TTR: variants seen among roughly 807,000 people sequenced by gnomAD.
The protein encoded by TTR is transthyretin.
In TTR, 8 loss-of-function variants were observed where a neutral mutation model predicts 13.7. The ratio of observed to expected loss-of-function variants is 0.58; its 90% CI spans 0.34 to 1.05. The LOEUF (loss-of-function observed/expected upper bound fraction) is 1.05. Among genes scored for constraint, TTR ranks in the 50% least tolerant of loss-of-function variants. The probability of loss-of-function intolerance (pLI) is 0.02; values close to 1 mark genes in which losing one functional copy is unlikely to be tolerated. For synonymous variants in TTR, 75 were observed against 71.7 expected, an observed-to-expected ratio of 1.05 and a Z score of -0.23; for missense variants, 135 against 185.5, an observed-to-expected ratio of 0.73 and a Z score of 1.58.
chr18:31,595,698 A>G (rs1342263966), intron 3 of TTR: 4 of 353,396 alleles, frequency 1.1e-5, no homozygotes, highest in Non-Finnish European at 2.2e-5. Flanking sequence ...ACACATACCT[A>G]TAGAGACAAT....
In TTR at chr18:31,595,229, A is replaced by G. The variant is rs781345808; in HGVS notation, c.310A>G (p.Ile104Val). Residue 104 changes from isoleucine to valine, a missense_variant, in exon 3 of 4, where the codon ATC becomes GTC. By Grantham distance (29) the Ile-to-Val change is conservative (BLOSUM62 3). Transcript: ENST00000237014. ...CAAATCTTACTGGAAGGCACTTGGCATCTCCCCATTCCATGAGCATGCAGA... is the reference window on the plus strand; with the variant it reads ...CAAATCTTACTGGAAGGCACTTGGCGTCTCCCCATTCCATGAGCATGCAGA... The part of the protein sequence containing the change: ...DTKSYWKALG[I>V]SPFHEHAEVV... 1 of 1,614,188 alleles carries G rather than the reference A, an allele frequency of 6.2e-7. No individual in the cohort carries two copies. The highest frequency in any genetic ancestry group is 1.3e-5 in the African/African-American group (1 of 75,046).
At chr18:31,595,467 T>G in intron 3 of TTR, 1 of 692,458 alleles carries the variant, frequency 1.4e-6, no homozygotes, top group Non-Finnish European at 2.6e-6. Context: ...CTTAGTAACA[T>G]GACTTGAACT....
chr18:31,595,609 T>C (rs186254252), intron 3 of TTR: 207 of 378,508 alleles, frequency 5.5e-4, no homozygotes, highest in African/African-American at 3.7e-3. Flanking sequence ...TGCACCATTT[T>C]ATTTCTCGAA....
chr18:31,594,591 C>T (rs778716372), intron 2 of TTR, among the ~76,000 whole-genome samples: 3 of 152,302 alleles, frequency 2.0e-5, no homozygotes, highest in East Asian at 1.9e-4. Flanking sequence ...TGGCCGGGCA[C>T]GGTGGCTCAC....
At chr18:31,595,292 G>C in intron 3 of TTR, 37 bp downstream of exon 3, 1 of 1,613,882 alleles carries the variant, frequency 6.2e-7, no homozygotes, top group East Asian at 2.2e-5. Flanking sequence ...TTTTGGTTTT[G>C]GTTTTTGCTT....
intron 1 of TTR, among the ~76,000 whole-genome samples, 157 bp downstream of exon 1, chr18:31,592,128 A>G (rs2073489441): frequency 6.6e-6 from 1 of 152,228 alleles, no homozygotes; most frequent in Non-Finnish European, 1.5e-5. Context: ...AAAAAGAATG[A>G]AGTTCCACTG....
chr18:31,596,202 T>G (rs2073515884), intron 3 of TTR: 1 of 154,388 alleles, frequency 6.5e-6, no homozygotes, highest in Non-Finnish European at 1.5e-5. Context: ...GAGTTAAAGA[T>G]CAACTAATTC....
intron 2 of TTR, chr18:31,593,256 A>G: frequency 2.0e-6 from 1 of 500,664 alleles, no homozygotes; most frequent in Non-Finnish European, 3.5e-6. Context: ...AAAAGAAGGA[A>G]TCAGAACTCC....
intron 1 of TTR, 147 bp from the exon 2 acceptor site, chr18:31,592,749 A>T: frequency 9.9e-7 from 1 of 1,007,796 alleles, no homozygotes; most frequent in Non-Finnish European, 1.5e-6. Context: ...CTGAGTAGGG[A>T]AGCTCATTAA....
At chr18:31,595,009 C>G in intron 2 of TTR, 111 bp from the exon 3 acceptor site, 1 of 1,205,726 alleles carries the variant, frequency 8.3e-7, no homozygotes, top group Non-Finnish European at 1.2e-6. Flanking sequence ...GGGAAATGTT[C>G]ATAACATGTT....
In TTR at chr18:31,598,762, C is replaced by T; in HGVS notation, c.*87C>T. On this transcript the variant is annotated 3_prime_UTR_variant, in exon 4 of 4. Coordinates refer to ENST00000237014, the MANE Select transcript of TTR (RefSeq NM_000371.4). ...TCCATTTTTACTAAAGCAGTGTTTT[C>T]ACCTCATATGCTATGTTAGAAGTCC... is the stretch of plus-strand genomic sequence containing the variant. 7.5e-7 allele frequency: 1 copy of T among 1,336,986 alleles called. No homozygotes were observed. The highest frequency in any genetic ancestry group is 1.1e-6 in the Non-Finnish European group (1 of 943,490). 82.8% of individuals were successfully genotyped at this position (1,336,986 alleles called of 1,614,324 possible).
At chr18:31,592,840 A>C in intron 1 of TTR, 56 bp from the exon 2 acceptor site, 1 of 1,607,092 alleles carries the variant, frequency 6.2e-7, no homozygotes, top group South Asian at 1.1e-5. Context: ...ACAAAGAATA[A>C]ATCCTTTCAC....
intron 2 of TTR, among the ~76,000 whole-genome samples, chr18:31,593,916 G>A (rs2073501351): frequency 6.6e-6 from 1 of 152,208 alleles, no homozygotes; most frequent in Non-Finnish European, 1.5e-5. Flanking sequence ...AAGAATTTCT[G>A]TTGGGTTTTA....
At chr18:31,592,834 A>G in intron 1 of TTR, 62 bp from the exon 2 acceptor site, 1 of 1,606,376 alleles carries the variant, frequency 6.2e-7, no homozygotes, top group Non-Finnish European at 8.5e-7. Flanking sequence ...AATACCACAA[A>G]GAATAAATCC....
At chr18:31,595,689 C>T (rs2073513473) in intron 3 of TTR, 1 of 359,978 alleles carries the variant, frequency 2.8e-6, no homozygotes, top group African/African-American at 2.1e-5. Context: ...TTCTTGGCAA[C>T]ACATACCTAT....
chr18:31,597,694 T>G (rs1274300610), intron 3 of TTR, among the ~76,000 whole-genome samples: 1 of 152,208 alleles, frequency 6.6e-6, no homozygotes, highest in Non-Finnish European at 1.5e-5. Flanking sequence ...AAACACATCT[T>G]TACTGTCTTC....
chr18:31,595,633 C>T, intron 3 of TTR: 1 of 366,834 alleles, frequency 2.7e-6, no homozygotes, highest in South Asian at 2.1e-5. Context: ...CCGTAACATT[C>T]TTCATTCCAA....
intron 3 of TTR, chr18:31,595,564 C>T (rs1567946275): frequency 4.3e-6 from 2 of 466,648 alleles, no homozygotes; most frequent in Non-Finnish European, 4.1e-6. Flanking sequence ...TGAGGCAGCC[C>T]TCCAGACCCC....
chr18:31,597,461 A>G (rs2144412643), intron 3 of TTR, among the ~76,000 whole-genome samples: 2 of 152,284 alleles, frequency 1.3e-5, no homozygotes, highest in Non-Finnish European at 2.9e-5. Context: ...ATTCTAGGGA[A>G]TTGGCCTTAA....
Sources: gnomAD v4.1 joint callset for allele counts (sites outside exome capture counted in the v4.1 genomes callset) on GRCh38, gnomAD v4.1.1 for gene constraint, MANE v1.5 for transcripts, NCBI Gene and HGNC (gene_info 2026-07-23, HGNC 2026-07-21) for gene names.